The following TRPV4 variants were observed in gnomAD, a reference collection of about 807,000 sequenced individuals.
TRPV4 encodes the protein transient receptor potential cation channel subfamily V member 4, also known as OSM9-like transient receptor potential channel 4.
TRPV4 carries 58 observed loss-of-function variants against 84.1 expected under a neutral mutation model. That is an observed-to-expected ratio of 0.69 (90% CI 0.56 to 0.86). The LOEUF (loss-of-function observed/expected upper bound fraction) is 0.86. TRPV4 is among the 40% of genes least tolerant of loss of function. The pLI, the probability that TRPV4 is intolerant of heterozygous loss-of-function variation, is 0.00. For missense variants in TRPV4, 879 were observed against 1,181.1 expected, an observed-to-expected ratio of 0.74 and a Z score of 3.75; for synonymous variants, 489 against 500.9, an observed-to-expected ratio of 0.98 and a Z score of 0.32.
intron 1 of TRPV4, among the ~76,000 whole-genome samples, chr12:109,831,217 A>ATC (rs1354819405): frequency 1.3e-5 from 2 of 152,194 alleles, no homozygotes; most frequent in African/African-American, 2.4e-5. Context: ...TAAAAGTCAT[A>ATC]TCTCTGCTAG....
chr12:109,792,263 A>G, intron 12 of TRPV4, 100 bp downstream of exon 12: 8 of 907,684 alleles, frequency 8.8e-6, no homozygotes, highest in East Asian at 5.8e-5. Context: ...AAAAAAAAAA[A>G]AAGAACTCAG....
At chr12:109,818,891 G>A (rs941508601) in intron 1 of TRPV4, among the ~76,000 whole-genome samples, 3 of 152,026 alleles carry the variant, frequency 2.0e-5, no homozygotes, top group African/African-American at 2.4e-5. Flanking sequence ...TCAATCCCCC[G>A]AAGAACCTGA....
At chr12:109,807,766 A>G (rs1433557260) in intron 3 of TRPV4, among the ~76,000 whole-genome samples, 4 of 152,238 alleles carry the variant, frequency 2.6e-5, no homozygotes, top group Admixed American at 6.5e-5. Context: ...CAGCCTAGGA[A>G]GTGGAGCCCT....
intron 3 of TRPV4, among the ~76,000 whole-genome samples, chr12:109,806,908 T>C (rs1366854791): frequency 5.4e-5 from 8 of 148,646 alleles, no homozygotes; most frequent in Admixed American, 4.7e-4. Context: ...TAAAGGTATA[T>C]GTGGATGATG....
chr12:109,807,160 C>T (rs1205717237), intron 3 of TRPV4, among the ~76,000 whole-genome samples: 1 of 151,668 alleles, frequency 6.6e-6, no homozygotes, highest in Admixed American at 6.6e-5. Context: ...CCTGTAATCC[C>T]AGCTACTTGG....
chr12:109,784,499 C>T, intron 14 of TRPV4, 62 bp from the exon 15 acceptor site: 1 of 1,611,884 alleles, frequency 6.2e-7, no homozygotes, highest in Non-Finnish European at 8.5e-7. Flanking sequence ...ATGCCACCAT[C>T]CCCAGCACAC....
intron 1 of TRPV4, among the ~76,000 whole-genome samples, chr12:109,827,797 TATAGTC>T (rs1892305963): frequency 6.6e-6 from 1 of 151,294 alleles, no homozygotes; most frequent in African/African-American, 2.4e-5. Context: ...CACATAAACA[TATAGTC>T]ATACATATAC....
chr12:109,793,893 GCAGGCAGGGTGGGGGGCACGGGGGC>G lies in TRPV4; in HGVS notation c.1584+12_1584+36del, dbSNP rs957922511. ...AGAGGTGCAGGAAGAGAAGAGGAGG[GCAGGCAGGGTGGGGGGCACGGGGGC>G]CAGGCACTTACGTTGGTGAAGAAGA... On this transcript the variant is annotated intron_variant, in intron 9 of 15. Transcript: ENST00000261740. The surrounding 1 kb of genome is among the most constrained non-coding windows in gnomAD (Gnocchi z 4.0). 3 of 1,431,672 alleles carry G rather than the reference GCAGGCAGGGTGGGGGGCACGGGGGC, an allele frequency of 2.1e-6. No homozygotes were observed. Among genetic ancestry groups the G allele is most frequent in the Non-Finnish European group, 2.9e-6 (3 of 1,031,652 alleles). 88.7% of individuals were successfully genotyped at this position (1,431,672 alleles called of 1,614,324 possible).
intron 12 of TRPV4, among the ~76,000 whole-genome samples, chr12:109,790,450 T>A (rs937756501): frequency 6.6e-6 from 1 of 152,230 alleles, no homozygotes; most frequent in African/African-American, 2.4e-5. Context: ...AGTGGCATCA[T>A]GACATCACGA....
chr12:109,804,320 T>A (rs1890989949), intron 3 of TRPV4, among the ~76,000 whole-genome samples: 1 of 152,116 alleles, frequency 6.6e-6, no homozygotes, highest in Admixed American at 6.5e-5. Context: ...AGCCAGGGGC[T>A]CAGGAATGGC....
intron 12 of TRPV4, among the ~76,000 whole-genome samples, chr12:109,790,982 A>G (rs973983394): frequency 2.0e-5 from 3 of 152,248 alleles, no homozygotes; most frequent in South Asian, 2.1e-4. Flanking sequence ...TAGACCAGTC[A>G]GCCAGCAGCC....
In TRPV4 at chr12:109,814,939, G is replaced by T. The variant is rs1336490182; in HGVS notation, c.-31-112C>A. 1.9e-6 allele frequency: 2 copies of T among 1,074,528 alleles called. No homozygotes were observed. Among genetic ancestry groups the T allele is most frequent in the Non-Finnish European group, 2.7e-6 (2 of 753,924 alleles). The allele number at this position is 1,074,528 out of a possible 1,614,324, so 66.6% of individuals were successfully genotyped here. A position where few individuals can be genotyped will look rare whatever the true frequency, so the allele number is the denominator to read the frequency against. On this transcript the variant is annotated intron_variant, in intron 1 of 15. Coordinates refer to ENST00000261740, the MANE Select transcript of TRPV4 (RefSeq NM_021625.5). The surrounding 1 kb of genome is among the most constrained non-coding windows in gnomAD (Gnocchi z 5.4). ...TGCTGCCAGCTGCTTCAAAGCCACC[G>T]TTGTAATGACAGGGGCACAGGGAGG... is the stretch of plus-strand genomic sequence containing the variant.
intron 1 of TRPV4, among the ~76,000 whole-genome samples, chr12:109,823,311 C>T (rs997656139): frequency 6.6e-5 from 10 of 152,234 alleles, no homozygotes; most frequent in African/African-American, 2.2e-4. Flanking sequence ...GCACTCACAC[C>T]ACCCAGGCAG....
At chr12:109,827,871 T>C (rs1892310229) in intron 1 of TRPV4, among the ~76,000 whole-genome samples, 1 of 150,856 alleles carries the variant, frequency 6.6e-6, no homozygotes, top group African/African-American at 2.4e-5. Flanking sequence ...TATACACACA[T>C]ACACATACAC....
At chr12:109,831,331 G>A (rs559439602) in intron 1 of TRPV4, among the ~76,000 whole-genome samples, 1 of 152,250 alleles carries the variant, frequency 6.6e-6, no homozygotes, top group African/African-American at 2.4e-5. Flanking sequence ...TCCTTCCTGG[G>A]CCAGTCCTCC....
At position 109,822,376 on chromosome 12, in the gene TRPV4, G is replaced by A. The variant is rs565316142; in HGVS notation, c.-31-7549C>T. On this transcript the variant is annotated intron_variant, in intron 1 of 15. Transcript: ENST00000261740. ...TACCCTCAAATAAACACAACTGTGA[G>A]TGCCTGCCATTCCAAATCAGTCTTG... Among the ~76,000 whole-genome samples the A allele has an allele frequency of 2.0e-3, 309 of 152,294 alleles. 4 individuals are homozygous for A. Among genetic ancestry groups the A allele is most frequent in the African/African-American group, 6.9e-3 (285 of 41,548 alleles).
At position 109,796,770 on chromosome 12, in the gene TRPV4, C is replaced by T; in HGVS notation, c.1153-66G>A. Reference sequence around the variant, plus strand: ...AAGACCCCCAGGGCTGGGCCCAGCTCAGCACATGACGCCTCCCCAGAAAAC... The same window carrying T: ...AAGACCCCCAGGGCTGGGCCCAGCTTAGCACATGACGCCTCCCCAGAAAAC... On this transcript the variant is annotated intron_variant, in intron 6 of 15. Transcript: ENST00000261740. This position sits in a 1 kb window ranked among gnomAD's most constrained non-coding sequence, Gnocchi z 4.2. 6.6e-7 allele frequency: 1 copy of T among 1,517,888 alleles called. No homozygotes were observed. The highest frequency in any genetic ancestry group is 1.3e-5 in the South Asian group (1 of 78,658). 94.0% of individuals were successfully genotyped at this position (1,517,888 alleles called of 1,614,324 possible).
chr12:109,794,544 C>A, intron 7 of TRPV4, 57 bp from the exon 8 acceptor site: 1 of 1,597,120 alleles, frequency 6.3e-7, no homozygotes. Flanking sequence ...GGGGTCCAGG[C>A]AGGCTGCCTC....
chr12:109,792,243 CAAAAA>C (rs768558199), intron 12 of TRPV4, 115 bp downstream of exon 12: 365 of 377,856 alleles, frequency 9.7e-4, no homozygotes, highest in East Asian at 2.0e-3. Context: ...AACTCCACCT[CAAAAA>C]AAAAAAAAAA....
Sources: allele counts gnomAD v4.1 joint callset (sites outside exome capture counted in the v4.1 genomes callset), GRCh38; gene constraint gnomAD v4.1.1; non-coding constraint Gnocchi (gnomAD v3.1); transcripts MANE v1.5; gene names NCBI Gene and HGNC (gene_info 2026-07-23, HGNC 2026-07-21).